The following TMOD1 variants were observed in gnomAD, a reference collection of about 807,000 sequenced individuals.
TMOD1 encodes the protein tropomodulin 1.
A neutral mutation model predicts 40.6 loss-of-function variants in TMOD1; 17 were observed. The ratio of observed to expected loss-of-function variants is 0.42; its 90% CI spans 0.29 to 0.63. TMOD1 has a LOEUF of 0.63. TMOD1 is among the 20% of genes least tolerant of loss of function. The probability of loss-of-function intolerance (pLI) is 0.22; values close to 1 mark genes in which losing one functional copy is unlikely to be tolerated. For missense variants in TMOD1, 391 were observed against 447.6 expected (o/e 0.87, Z 1.14); for synonymous variants, 181 against 175.0 (o/e 1.03, Z -0.27).
At position 97,599,619 on chromosome 9, in the gene TMOD1, T is replaced by G; in HGVS notation, c.1016-15T>G. ...AGGGAAAAGTGCCTTATATCTTATC[T>G]CCATTCCTTTCCAGTGAGGAAGAGG... On this transcript the variant is annotated splice_polypyrimidine_tract_variant and intron_variant, in intron 9 of 9. Coordinates refer to ENST00000259365, the MANE Select transcript of TMOD1 (RefSeq NM_003275.4). 1.2e-6 allele frequency: 2 copies of G among 1,614,116 alleles called. No individual in the cohort carries two copies. Among genetic ancestry groups the G allele is most frequent in the Non-Finnish European group, 1.7e-6 (2 of 1,179,984 alleles).
intron 2 of TMOD1, among the ~76,000 whole-genome samples, chr9:97,534,466 TC>T (rs1371866250): frequency 1.3e-5 from 2 of 152,188 alleles, no homozygotes; most frequent in Non-Finnish European, 2.9e-5. Flanking sequence ...TCCTAGACAC[TC>T]CCCAACTCTG....
chr9:97,501,194 C>A (rs1307144308), upstream of TMOD1: 1 of 152,256 alleles, frequency 6.6e-6, no homozygotes. Flanking sequence ...AAAACGATCG[C>A]GGTTAAAGCT....
intron 7 of TMOD1, among the ~76,000 whole-genome samples, chr9:97,567,582 T>G (rs950922540): frequency 6.6e-6 from 1 of 152,166 alleles, no homozygotes; most frequent in African/African-American, 2.4e-5. Flanking sequence ...GCCTACTGGT[T>G]GTTATTTTGA....
At chr9:97,592,556 C>T (rs771367127) in intron 9 of TMOD1, among the ~76,000 whole-genome samples, 14 of 152,134 alleles carry the variant, frequency 9.2e-5, no homozygotes, top group Non-Finnish European at 1.5e-4. Context: ...TTCCAACCCT[C>T]GATAAAATGC....
At chr9:97,548,637 A>C (rs1830402256) in intron 3 of TMOD1, among the ~76,000 whole-genome samples, 1 of 152,146 alleles carries the variant, frequency 6.6e-6, no homozygotes, top group Non-Finnish European at 1.5e-5. Flanking sequence ...TACAGAAATC[A>C]GTCCTGCCAC....
intron 8 of TMOD1, among the ~76,000 whole-genome samples, chr9:97,582,542 CA>C (rs1825780420): frequency 7.1e-6 from 1 of 140,010 alleles, no homozygotes; most frequent in South Asian, 2.3e-4. Flanking sequence ...TGAAGAAAGT[CA>C]TTGGTAGCTT....
intron 3 of TMOD1, among the ~76,000 whole-genome samples, chr9:97,552,838 T>C (rs1186760019): frequency 2.0e-5 from 3 of 152,240 alleles, no homozygotes; most frequent in African/African-American, 7.2e-5. Flanking sequence ...ACTTTAAAAA[T>C]ATGATAATGA....
chr9:97,590,859 T>G (rs939297850), intron 8 of TMOD1, among the ~76,000 whole-genome samples: 2 of 152,204 alleles, frequency 1.3e-5, no homozygotes, highest in African/African-American at 4.8e-5. Context: ...TATTGAAATC[T>G]CCTGAGAAGT....
At chr9:97,516,049 G>A (rs559612961) in intron 1 of TMOD1, among the ~76,000 whole-genome samples, 5 of 152,178 alleles carry the variant, frequency 3.3e-5, no homozygotes, top group African/African-American at 1.2e-4. Context: ...ATTACTTTTT[G>A]TCTACTCCTT....
chr9:97,522,283 C>T (rs1829930345), intron 1 of TMOD1, among the ~76,000 whole-genome samples: 1 of 152,152 alleles, frequency 6.6e-6, no homozygotes, highest in African/African-American at 2.4e-5. Flanking sequence ...CATTCCTTGG[C>T]TTGTAGTAGC....
In TMOD1 at chr9:97,537,480, G is replaced by A. The variant is rs189801915; in HGVS notation, c.121-8705G>A. On this transcript the variant is annotated intron_variant, in intron 2 of 9. Coordinates refer to ENST00000259365, the MANE Select transcript of TMOD1 (RefSeq NM_003275.4). The stretch of plus-strand genomic sequence containing the variant: ...TTGATATTTAGCTTTACTGGCACCT[G>A]TTTGCAGGGTGTTAGAGCTCCTAAC... Among the ~76,000 whole-genome samples, 9 of 152,316 alleles carry A rather than the reference G, an allele frequency of 5.9e-5. No individual in the cohort carries two copies. In the East Asian group the frequency reaches 9.6e-4, roughly 16 times the overall value.
At chr9:97,562,992 C>A (rs1052532882) in intron 5 of TMOD1, among the ~76,000 whole-genome samples, 171 bp downstream of exon 5, 6 of 152,226 alleles carry the variant, frequency 3.9e-5, no homozygotes, top group African/African-American at 1.4e-4. Flanking sequence ...TTCTCTATCC[C>A]AGTATTATAG....
intron 3 of TMOD1, among the ~76,000 whole-genome samples, chr9:97,548,956 C>A (rs954650941): frequency 1.3e-5 from 2 of 152,170 alleles, no homozygotes; most frequent in Non-Finnish European, 2.9e-5. Flanking sequence ...GCACTTCCCC[C>A]ACACCAGGCC....
chr9:97,575,589 A>C lies in TMOD1; in HGVS notation c.870+6552A>C, dbSNP rs193021121. On this transcript the variant is annotated intron_variant, in intron 8 of 9. Transcript: ENST00000259365. ...AGGGTCTGGGACTCTGGAGTTGGAT[A>C]ACCTAATTCCCAGGCCTCCTTTCTG... is the stretch of plus-strand genomic sequence containing the variant. Among the ~76,000 whole-genome samples the C allele has an allele frequency of 2.0e-5, 3 of 152,322 alleles. No homozygotes were observed. In the East Asian group the frequency reaches 5.8e-4, roughly 29 times the overall value.
chr9:97,601,249 T>C lies in TMOD1; in HGVS notation c.*1551T>C. On this transcript the variant is annotated 3_prime_UTR_variant, in exon 10 of 10. Transcript: ENST00000259365. ...CAATATAATATTAAATCTGTTGGTC[T>C]ATGCATGGCTGCGTATGTGTTTCTT... is the stretch of plus-strand genomic sequence containing the variant. The C allele has an allele frequency of 8.1e-7, 1 of 1,229,424 alleles. No homozygotes were observed. Among genetic ancestry groups the C allele is most frequent in the South Asian group, 1.4e-5 (1 of 69,152 alleles). 76.2% of individuals were successfully genotyped at this position (1,229,424 alleles called of 1,614,324 possible).
rs202030181 is a variant in TMOD1, at chr9:97,531,033, A to ACCCC, written c.120+6728_120+6729insCCCC. 8.2e-3 allele frequency among the ~76,000 whole-genome samples: 643 copies of ACCCC among 78,172 alleles called. 12 individuals carry two copies. The highest frequency in any genetic ancestry group is 9.5e-3 in the Non-Finnish European group (391 of 41,274). 51.3% of individuals were successfully genotyped at this position (78,172 alleles called of 152,430 possible). On this transcript the variant is annotated intron_variant, in intron 2 of 9. Coordinates refer to ENST00000259365, the MANE Select transcript of TMOD1 (RefSeq NM_003275.4). ...GAACTCCTGACCTTAGGTGATCCACACCCACCCCCCCCACCACCCCTTGGC... is the reference window on the plus strand; with the variant it reads ...GAACTCCTGACCTTAGGTGATCCACACCCCCCCACCCCCCCCACCACCCCTTGGC...
intron 3 of TMOD1, among the ~76,000 whole-genome samples, chr9:97,547,735 C>T (rs949404965): frequency 2.0e-5 from 3 of 152,148 alleles, no homozygotes; most frequent in East Asian, 3.9e-4. Flanking sequence ...GGTTATTTTC[C>T]AACACAGGAG....
At chr9:97,522,662 A>G (rs1829935665) in intron 1 of TMOD1, among the ~76,000 whole-genome samples, 1 of 152,108 alleles carries the variant, frequency 6.6e-6, no homozygotes, top group South Asian at 2.1e-4. Flanking sequence ...CCTGGGCTAA[A>G]GCGATCCTCC....
At chr9:97,591,500 T>C in intron 9 of TMOD1, 65 bp downstream of exon 9, 1 of 1,557,736 alleles carries the variant, frequency 6.4e-7, no homozygotes. Context: ...GTGCTGGGGA[T>C]GTCAGGGAAA....
Sources: allele counts gnomAD v4.1 joint callset (sites outside exome capture counted in the v4.1 genomes callset), GRCh38; gene constraint gnomAD v4.1.1; transcripts MANE v1.5; gene names NCBI Gene and HGNC (gene_info 2026-07-23, HGNC 2026-07-21).